Variants in CYB5A observed in about 807,000 individuals in gnomAD.
The protein encoded by CYB5A is cytochrome b5 type A, also known as cytochrome b5.
CYB5A carries 10 observed loss-of-function variants against 16.2 expected under a neutral mutation model. The ratio of observed to expected loss-of-function variants is 0.62; its 90% CI spans 0.38 to 1.04. The LOEUF is 1.04. Among genes scored for constraint, CYB5A ranks in the 50% least tolerant of loss-of-function variants. CYB5A has a pLI of 0.01. For synonymous variants in CYB5A, 62 were observed against 57.0 expected, an observed-to-expected ratio of 1.09 and a Z score of -0.40; for missense variants, 161 against 165.9, an observed-to-expected ratio of 0.97 and a Z score of 0.16.
chr18:74,285,553 C>T (rs1273724414), intron 1 of CYB5A, among the ~76,000 whole-genome samples: 1 of 152,152 alleles, frequency 6.6e-6, no homozygotes, highest in African/African-American at 2.4e-5. Flanking sequence ...CACTGGTGTG[C>T]CACCCCAGGG....
chr18:74,253,399 G>A lies in CYB5A; in HGVS notation c.*185C>T, dbSNP rs1218097757. The stretch of plus-strand genomic sequence containing the variant: ...AGTAGATGAATAAAAAGGCACACTC[G>A]AAAAATTTGAGCGCAGAAAGGACAG... On this transcript the variant is annotated 3_prime_UTR_variant, in exon 5 of 5. Coordinates refer to ENST00000340533, the MANE Select transcript of CYB5A (RefSeq NM_148923.4). 7.6e-6 allele frequency: 4 copies of A among 524,294 alleles called. No individual in the cohort carries two copies. The highest frequency in any genetic ancestry group is 3.2e-5 in the Admixed American group (1 of 31,708). 32.5% of individuals were successfully genotyped at this position (524,294 alleles called of 1,614,324 possible).
At chr18:74,271,439 C>T (rs1982664280) in intron 1 of CYB5A, among the ~76,000 whole-genome samples, 2 of 152,192 alleles carry the variant, frequency 1.3e-5, no homozygotes, top group Admixed American at 6.5e-5. Flanking sequence ...ACCTCTCTGA[C>T]TCTCCAGCCC....
intron 1 of CYB5A, among the ~76,000 whole-genome samples, chr18:74,278,268 C>A (rs571011450): frequency 6.6e-6 from 1 of 152,316 alleles, no homozygotes; most frequent in South Asian, 2.1e-4. Flanking sequence ...TCGCTGAGAT[C>A]TGCTAACAGG....
chr18:74,266,719 T>C lies in CYB5A; in HGVS notation c.130-3242A>G, dbSNP rs539671088. ...ACCTATCGACCTCTGGTTTTTACCT[T>C]GCCTAAACCATTTGTGGGGCAATTT... is the stretch of plus-strand genomic sequence containing the variant. On this transcript the variant is annotated intron_variant, in intron 1 of 4. Coordinates refer to ENST00000340533, the MANE Select transcript of CYB5A (RefSeq NM_148923.4). Among the ~76,000 whole-genome samples the C allele has an allele frequency of 2.8e-5, 4 of 144,564 alleles. No homozygotes were observed. The East Asian group carries it at 8.1e-4, about 29-fold the overall frequency. The allele number at this position is 144,564 out of a possible 152,430, so 94.8% of individuals were successfully genotyped here.
chr18:74,281,104 G>A (rs556581943), intron 1 of CYB5A, among the ~76,000 whole-genome samples: 2 of 152,280 alleles, frequency 1.3e-5, no homozygotes, highest in African/African-American at 4.8e-5. Context: ...CCCACAGAAT[G>A]TCCTGGTGGA....
intron 1 of CYB5A, among the ~76,000 whole-genome samples, chr18:74,280,735 A>G (rs181304835): frequency 2.0e-5 from 3 of 152,296 alleles, no homozygotes; most frequent in East Asian, 3.9e-4. Flanking sequence ...TCCTTCCTCT[A>G]TCGACTTGCT....
At chr18:74,262,817 G>C (rs1982261979) in intron 2 of CYB5A, among the ~76,000 whole-genome samples, 1 of 152,168 alleles carries the variant, frequency 6.6e-6, no homozygotes, top group African/African-American at 2.4e-5. Context: ...GTGCATGGCT[G>C]TGGGGTGGAG....
rs138360731 is a variant in CYB5A at position 74,251,949 on chromosome 18, G to A, written c.*1635C>T. ...ATCTAAGGTACGACTGACCCACTTC[G>A]ATTCACTTCATAGTTGATTTAGGAG... On this transcript the variant is annotated 3_prime_UTR_variant, in exon 5 of 5. Transcript: ENST00000340533. 47 of 152,230 alleles carry A rather than the reference G, an allele frequency of 3.1e-4. No individual in the cohort carries two copies. Among genetic ancestry groups the A allele is most frequent in the African/African-American group, 1.1e-3 (46 of 41,522 alleles). 9.4% of individuals were successfully genotyped at this position (152,230 alleles called of 1,614,324 possible).
At chr18:74,286,125 G>A (rs1395090843) in intron 1 of CYB5A, among the ~76,000 whole-genome samples, 1 of 152,198 alleles carries the variant, frequency 6.6e-6, no homozygotes, top group Non-Finnish European at 1.5e-5. Flanking sequence ...GCACATCCAC[G>A]AGCAAGGTGT....
chr18:74,272,845 C>G (rs575762499), intron 1 of CYB5A, among the ~76,000 whole-genome samples: 94 of 152,204 alleles, frequency 6.2e-4, no homozygotes, highest in African/African-American at 2.1e-3. Context: ...TTGCTTGAAC[C>G]CGGGAGGCAG....
At position 74,288,562 on chromosome 18, in the gene CYB5A, G is replaced by A. The variant is rs140667795; in HGVS notation, c.129+3185C>T. Among the ~76,000 whole-genome samples the A allele has an allele frequency of 3.3e-5, 5 of 152,322 alleles. No individual in the cohort carries two copies. The East Asian group carries it at 9.6e-4, about 29-fold the overall frequency. On this transcript the variant is annotated intron_variant, in intron 1 of 4. Coordinates refer to ENST00000340533, the MANE Select transcript of CYB5A (RefSeq NM_148923.4). ...GACAGGAAAGAGGATCGGGCAAGCGGGGAAGAGAGACAGAGACATTCTGCA... is the reference window on the plus strand; with the variant it reads ...GACAGGAAAGAGGATCGGGCAAGCGAGGAAGAGAGACAGAGACATTCTGCA...
At position 74,252,095 on chromosome 18, in the gene CYB5A, T is replaced by G. The variant is rs1196649495; in HGVS notation, c.*1489A>C. The G allele has an allele frequency of 6.6e-6, 1 of 152,230 alleles. No individual in the cohort carries two copies. Among genetic ancestry groups the G allele is most frequent in the Non-Finnish European group, 1.5e-5 (1 of 68,044 alleles). 9.4% of individuals were successfully genotyped at this position (152,230 alleles called of 1,614,324 possible). ...TAATTTATTTTGAAATAGAAACTACTTGTCAACTTTCAGTGACTAAAGAAG... is the reference window on the plus strand; with the variant it reads ...TAATTTATTTTGAAATAGAAACTACGTGTCAACTTTCAGTGACTAAAGAAG... On this transcript the variant is annotated 3_prime_UTR_variant, in exon 5 of 5. Coordinates refer to ENST00000340533, the MANE Select transcript of CYB5A (RefSeq NM_148923.4).
intron 1 of CYB5A, among the ~76,000 whole-genome samples, chr18:74,283,919 C>T (rs1983215504): frequency 6.6e-6 from 1 of 152,072 alleles, no homozygotes; most frequent in South Asian, 2.1e-4. Flanking sequence ...CACCACTGAC[C>T]CCATAGGGTT....
In CYB5A at chr18:74,277,831, A is replaced by G. The variant is rs528664569; in HGVS notation, c.129+13916T>C. On this transcript the variant is annotated intron_variant, in intron 1 of 4. Coordinates refer to ENST00000340533, the MANE Select transcript of CYB5A (RefSeq NM_148923.4). ...AACACAACGGTGTCATGGAGGATAC[A>G]GGGGTAACTTTATATGGCTCAGGTG... Among the ~76,000 whole-genome samples the G allele has an allele frequency of 2.3e-4, 35 of 152,314 alleles. 1 individual carries two copies. The East Asian group carries it at 6.8e-3, about 29-fold the overall frequency.
chr18:74,272,738 G>C (rs927255249), intron 1 of CYB5A, among the ~76,000 whole-genome samples: 2 of 152,134 alleles, frequency 1.3e-5, no homozygotes, highest in African/African-American at 4.8e-5. Flanking sequence ...GGCCAACATG[G>C]TGAAACCCCC....
At chr18:74,282,542 G>A (rs1983157077) in intron 1 of CYB5A, among the ~76,000 whole-genome samples, 1 of 152,228 alleles carries the variant, frequency 6.6e-6, no homozygotes, top group South Asian at 2.1e-4. Context: ...CGGGCAGGCA[G>A]GAGCCCTCAT....
chr18:74,282,873 T>C (rs565921591), intron 1 of CYB5A, among the ~76,000 whole-genome samples: 1 of 152,264 alleles, frequency 6.6e-6, no homozygotes, highest in South Asian at 2.1e-4. Flanking sequence ...CAGGAAGCCA[T>C]TGAAAGGAAC....
chr18:74,288,805 A>G (rs1316293083), intron 1 of CYB5A, among the ~76,000 whole-genome samples: 1 of 152,212 alleles, frequency 6.6e-6, no homozygotes, highest in African/African-American at 2.4e-5. Flanking sequence ...GAAGCCAATG[A>G]CCAGGACATG....
chr18:74,281,895 G>C (rs1342501091), intron 1 of CYB5A, among the ~76,000 whole-genome samples: 2 of 151,834 alleles, frequency 1.3e-5, no homozygotes, highest in African/African-American at 4.8e-5. Context: ...AACCCAGCAG[G>C]GTGTGGCCTG....
Sources: gnomAD v4.1 joint callset for allele counts (sites outside exome capture counted in the v4.1 genomes callset) on GRCh38, gnomAD v4.1.1 for gene constraint, MANE v1.5 for transcripts, NCBI Gene and HGNC (gene_info 2026-07-23, HGNC 2026-07-21) for gene names.